FXYD7: variants seen among roughly 807,000 people sequenced by gnomAD.
The protein encoded by FXYD7 is FXYD domain-containing ion transport regulator 7.
A neutral mutation model predicts 15.3 loss-of-function variants in FXYD7; 7 were observed. The observed-to-expected ratio is 0.46, with a 90% CI of 0.26 to 0.86. The LOEUF is 0.86. FXYD7 is among the 40% of genes least tolerant of loss of function. The pLI, the probability that FXYD7 is intolerant of heterozygous loss-of-function variation, is 0.16. For synonymous variants in FXYD7, 39 were observed against 39.3 expected (o/e 0.99, Z 0.03); for missense variants, 78 against 100.6 (o/e 0.78, Z 0.96).
Position 35,143,500 on chromosome 19 carries a change from G to A in FXYD7, c.31+136G>A, listed in dbSNP as rs1186897520. On this transcript the variant is annotated intron_variant, in intron 1 of 5. Coordinates refer to ENST00000270310, the MANE Select transcript of FXYD7 (RefSeq NM_022006.2). This position sits in a 1 kb window ranked among gnomAD's most constrained non-coding sequence, Gnocchi z 4.3. ...AGGTCCGCTCCTCCTGTGGGCGGAA[G>A]CCCCTGTAATGCGCCCCCCCGATCG... is the stretch of plus-strand genomic sequence containing the variant. The A allele has an allele frequency of 1.6e-5, 11 of 691,382 alleles. No homozygotes were observed. The highest frequency in any genetic ancestry group is 2.4e-5 in the Non-Finnish European group (11 of 450,736). 42.8% of individuals were successfully genotyped at this position (691,382 alleles called of 1,614,324 possible).
chr19:35,143,678 A>C lies in FXYD7; in HGVS notation c.31+314A>C. Among the ~76,000 whole-genome samples the C allele has an allele frequency of 6.8e-6, 1 of 147,310 alleles. No homozygotes were observed. On this transcript the variant is annotated intron_variant, in intron 1 of 5. Transcript: ENST00000270310. This position sits in a 1 kb window ranked among gnomAD's most constrained non-coding sequence, Gnocchi z 4.3. The stretch of plus-strand genomic sequence containing the variant: ...GCACCGTGGTGGTAGCAGACGGGGA[A>C]GAGATGAGCTTGCAGGGTGGGAGCG...
At chr19:35,152,332 G>A (rs1012433254) in intron 5 of FXYD7, among the ~76,000 whole-genome samples, 6 of 151,812 alleles carry the variant, frequency 4.0e-5, no homozygotes, top group Non-Finnish European at 8.8e-5. Context: ...GAAGACACAG[G>A]CCTGTGAAGA....
At chr19:35,151,113 C>G in intron 2 of FXYD7, 141 bp from the exon 3 acceptor site, 1 of 719,234 alleles carries the variant, frequency 1.4e-6, no homozygotes, top group Non-Finnish European at 2.6e-6. Flanking sequence ...TCACATCAAC[C>G]CCCTGAAGGA....
chr19:35,146,344 G>T (rs1220849826), intron 1 of FXYD7, among the ~76,000 whole-genome samples: 1 of 152,116 alleles, frequency 6.6e-6, no homozygotes, highest in Admixed American at 6.5e-5. Context: ...TCACCATATT[G>T]GCCAGGCTGG....
chr19:35,144,051 G>T (rs1299036542), intron 1 of FXYD7, among the ~76,000 whole-genome samples: 6 of 151,792 alleles, frequency 4.0e-5, no homozygotes, highest in African/African-American at 1.2e-4. Flanking sequence ...GATGCAGAGA[G>T]AGAGAGAAAA....
chr19:35,152,180 A>G (rs1265082072), intron 5 of FXYD7, among the ~76,000 whole-genome samples: 8 of 139,990 alleles, frequency 5.7e-5, no homozygotes, highest in East Asian at 2.4e-4. Flanking sequence ...TGAAGGAAGG[A>G]AGGGAGGGAG....
intron 1 of FXYD7, 117 bp from the exon 2 acceptor site, chr19:35,148,577 C>G: frequency 2.3e-6 from 2 of 857,924 alleles, no homozygotes; most frequent in South Asian, 3.7e-5. Context: ...GGGTCTCTAT[C>G]TGACTTCCAC....
chr19:35,146,362 C>T (rs2065288986), intron 1 of FXYD7, among the ~76,000 whole-genome samples: 1 of 152,220 alleles, frequency 6.6e-6, no homozygotes, highest in Non-Finnish European at 1.5e-5. Context: ...TGGTCTCAAA[C>T]TCCTGACCTC....
chr19:35,146,575 T>G (rs1453105912), intron 1 of FXYD7, among the ~76,000 whole-genome samples: 1 of 152,178 alleles, frequency 6.6e-6, no homozygotes, highest in East Asian at 1.9e-4. Context: ...AGAGTTGCTA[T>G]GAAGATTAAG....
intron 1 of FXYD7, among the ~76,000 whole-genome samples, chr19:35,146,723 C>A (rs182821006): frequency 1.3e-5 from 2 of 152,278 alleles, no homozygotes; most frequent in Admixed American, 1.3e-4. Context: ...TTATTGCCTG[C>A]TGAAGACTTG....
chr19:35,147,032 T>A (rs1177696055), intron 1 of FXYD7, among the ~76,000 whole-genome samples: 2 of 152,228 alleles, frequency 1.3e-5, no homozygotes, highest in Admixed American at 1.3e-4. Context: ...CAGGGGCTTA[T>A]GACAACCAGG....
At chr19:35,147,517 T>G (rs1017109420) in intron 1 of FXYD7, among the ~76,000 whole-genome samples, 2 of 152,176 alleles carry the variant, frequency 1.3e-5, no homozygotes, top group Non-Finnish European at 2.9e-5. Context: ...TGGAGAAAAG[T>G]GAATCCAGAG....
rs1308335062 is a variant in FXYD7, at chr19:35,151,307, C to A, written c.115C>A (p.Leu39Met). 4 of 1,608,864 alleles carry A rather than the reference C, an allele frequency of 2.5e-6. No individual in the cohort carries two copies. In the South Asian group the frequency reaches 4.4e-5, roughly 18 times the overall value. The change falls in exon 3 of 6, where the codon CTG (leucine) becomes ATG (methionine). Residue 39 changes from leucine (L) to methionine (M), a missense_variant. By Grantham distance (15) the Leu-to-Met change is conservative. Coordinates refer to ENST00000270310, the MANE Select transcript of FXYD7 (RefSeq NM_022006.2). The part of the protein sequence containing the change: ...GMTLATILFL[L>M]GILIVISKKV... ...GACTCTGGCAACCATCTTGTTCCTG[C>A]TGGGTATCCTCATCGTCATCAGTAA... is the stretch of plus-strand genomic sequence containing the variant.
chr19:35,151,266 T>G lies in FXYD7; in HGVS notation c.74T>G (p.Val25Gly). 1 of 1,603,844 alleles carries G rather than the reference T, an allele frequency of 6.2e-7. No homozygotes were observed. Among genetic ancestry groups the G allele is most frequent in the Non-Finnish European group, 8.5e-7 (1 of 1,170,708 alleles). ...PDPFYYDYNTVQTVGMTLATI... is the reference protein window; with the variant it reads ...PDPFYYDYNTGQTVGMTLATI... ...TTATCTTCCCCAGACTACAACACGG[T>G]GCAGACTGTGGGCATGACTCTGGCA... is the stretch of plus-strand genomic sequence containing the variant. The change falls in exon 3 of 6, where the codon GTG becomes GGG. Residue 25 changes from valine (V) to glycine (G), a missense_variant. Physicochemically the swap from Val to Gly is moderately radical, Grantham distance 109. Coordinates refer to ENST00000270310, the MANE Select transcript of FXYD7 (RefSeq NM_022006.2).
At chr19:35,149,118 G>T (rs1266888162) in intron 2 of FXYD7, 1 of 459,086 alleles carries the variant, frequency 2.2e-6, no homozygotes. Context: ...GTAAACAAGG[G>T]ATAGTAATAG....
chr19:35,148,784 A>G (rs1283690614), intron 2 of FXYD7, 61 bp downstream of exon 2: 3 of 1,430,188 alleles, frequency 2.1e-6, no homozygotes, highest in African/African-American at 1.4e-5. Flanking sequence ...CTCACAGATC[A>G]CTCCGGACAT....
intron 5 of FXYD7, among the ~76,000 whole-genome samples, chr19:35,151,937 G>A (rs1342759061): frequency 6.6e-6 from 1 of 151,854 alleles, no homozygotes; most frequent in African/African-American, 2.4e-5. Flanking sequence ...TCAGGAGATC[G>A]AGATCAGCCC....
Position 35,143,387 on chromosome 19 carries a change from G to T in FXYD7, c.31+23G>T. On this transcript the variant is annotated intron_variant, in intron 1 of 5. Coordinates refer to ENST00000270310, the MANE Select transcript of FXYD7 (RefSeq NM_022006.2). The surrounding 1 kb of genome is among the most constrained non-coding windows in gnomAD (Gnocchi z 4.3). The stretch of plus-strand genomic sequence containing the variant: ...AGGGTGAGCGTCGTTTGGGGAGGGG[G>T]TTGCAGGGGGGCTCCGGGATCTGAG... 6.7e-7 allele frequency: 1 copy of T among 1,496,424 alleles called. No individual in the cohort carries two copies. Among genetic ancestry groups the T allele is most frequent in the South Asian group, 1.3e-5 (1 of 79,102 alleles). 92.7% of individuals were successfully genotyped at this position (1,496,424 alleles called of 1,614,324 possible). A position where few individuals can be genotyped will look rare whatever the true frequency, so the allele number is the denominator to read the frequency against.
chr19:35,144,114 CAGAGAGACGGAGGG>C (rs1568404587), intron 1 of FXYD7, among the ~76,000 whole-genome samples: 1 of 151,768 alleles, frequency 6.6e-6, no homozygotes, highest in African/African-American at 2.4e-5. Flanking sequence ...GAGAGAGAAG[CAGAGAGACGGAGGG>C]AGAGAGACGG....
Sources: allele counts gnomAD v4.1 joint callset (sites outside exome capture counted in the v4.1 genomes callset), GRCh38; gene constraint gnomAD v4.1.1; non-coding constraint Gnocchi (gnomAD v3.1); transcripts MANE v1.5; gene names NCBI Gene and HGNC (gene_info 2026-07-23, HGNC 2026-07-21).